Variants in SCP2 observed in about 807,000 individuals in gnomAD.
The protein encoded by SCP2 is SCP-2/3-oxoacyl-CoA thiolase.
Under a neutral mutation model 71.4 loss-of-function variants are expected in SCP2, and 48 were observed. That is an observed-to-expected ratio of 0.67 (90% confidence interval 0.53 to 0.86). SCP2 has a LOEUF of 0.86. SCP2 is among the 40% of genes least tolerant of loss of function. SCP2 has a pLI of 0.00. For missense variants in SCP2, 560 were observed against 655.6 expected (o/e 0.85, Z 1.59); for synonymous variants, 220 against 218.1 (o/e 1.01, Z -0.08).
chr1:53,032,994 G>A (rs1243673603), intron 13 of SCP2, among the ~76,000 whole-genome samples: 1 of 152,118 alleles, frequency 6.6e-6, no homozygotes, highest in East Asian at 1.9e-4. Flanking sequence ...AATAATTTAA[G>A]TGAGCTCTTT....
At chr1:53,028,597 T>C (rs1394914182) in intron 13 of SCP2, among the ~76,000 whole-genome samples, 1 of 152,164 alleles carries the variant, frequency 6.6e-6, no homozygotes, top group Non-Finnish European at 1.5e-5. Context: ...TGTTTATGAA[T>C]AGTATAAATT....
At chr1:53,035,872 T>C (rs1325552474) in intron 13 of SCP2, among the ~76,000 whole-genome samples, 2 of 151,936 alleles carry the variant, frequency 1.3e-5, no homozygotes, top group African/African-American at 4.8e-5. Flanking sequence ...TGCAAAAAAT[T>C]AGCCGGGCGT....
At position 53,033,946 on chromosome 1, in the gene SCP2, A is replaced by G. The variant is rs4545284; in HGVS notation, c.1339-4971A>G. ...AAACAAAACATGTTACATCCATACA[A>G]TGGAATATTATTTAGCTGTAGAAAG... On this transcript the variant is annotated intron_variant, in intron 13 of 15. Coordinates refer to ENST00000371514, the MANE Select transcript of SCP2 (RefSeq NM_002979.5). Among the ~76,000 whole-genome samples, 627 of 152,272 alleles carry G rather than the reference A, an allele frequency of 4.1e-3. 5 individuals carry two copies. The highest frequency in any genetic ancestry group is 0.014 in the African/African-American group (602 of 41,554).
At chr1:52,954,011 C>T (rs1175096218) in intron 4 of SCP2, among the ~76,000 whole-genome samples, 1 of 150,856 alleles carries the variant, frequency 6.6e-6, no homozygotes, top group Non-Finnish European at 1.5e-5. Context: ...ACAACCAAAA[C>T]CCAGCAAAAC....
At chr1:52,949,960 T>G (rs1277812639) in intron 3 of SCP2, among the ~76,000 whole-genome samples, 3 of 152,188 alleles carry the variant, frequency 2.0e-5, no homozygotes, top group Non-Finnish European at 4.4e-5. Flanking sequence ...CTTTTTACAC[T>G]TGGGAAAGGA....
At chr1:52,948,816 GC>G (rs1216154515) in intron 3 of SCP2, among the ~76,000 whole-genome samples, 1 of 151,972 alleles carries the variant, frequency 6.6e-6, no homozygotes, top group African/African-American at 2.4e-5. Flanking sequence ...TATAATAATT[GC>G]CACAATCCAG....
intron 2 of SCP2, 31 bp from the exon 3 acceptor site, chr1:52,947,978 A>G (rs1350853275): frequency 6.6e-7 from 1 of 1,505,758 alleles, no homozygotes; most frequent in Non-Finnish European, 9.2e-7. Context: ...TACTTAAAGC[A>G]CTTTTTGATA....
chr1:53,001,744 C>T (rs1473777754), intron 11 of SCP2, among the ~76,000 whole-genome samples: 2 of 152,168 alleles, frequency 1.3e-5, no homozygotes, highest in Non-Finnish European at 2.9e-5. Flanking sequence ...TGCTATCCAC[C>T]TTATGAAGCT....
intron 12 of SCP2, among the ~76,000 whole-genome samples, chr1:53,025,374 C>T (rs1240471946): frequency 1.3e-5 from 2 of 152,208 alleles, no homozygotes; most frequent in Non-Finnish European, 2.9e-5. Flanking sequence ...TAAATGCTTT[C>T]ACTATGCTGA....
intron 11 of SCP2, among the ~76,000 whole-genome samples, chr1:53,001,621 G>A (rs955454129): frequency 6.6e-6 from 1 of 152,158 alleles, no homozygotes; most frequent in Non-Finnish European, 1.5e-5. Flanking sequence ...GAGTGGCAAA[G>A]CTAAGATTCA....
intron 11 of SCP2, chr1:52,995,490 C>A (rs1011973440): frequency 2.3e-6 from 1 of 437,590 alleles, no homozygotes; most frequent in Non-Finnish European, 4.6e-6. Flanking sequence ...AACTGGTGCC[C>A]TTACCACATC....
At chr1:53,037,337 G>A (rs1321715777) in intron 13 of SCP2, among the ~76,000 whole-genome samples, 2 of 152,016 alleles carry the variant, frequency 1.3e-5, no homozygotes, top group Admixed American at 1.3e-4. Context: ...CCTGCCAGCT[G>A]GCTTAGCTGC....
At chr1:52,982,968 C>T (rs989299011) in intron 10 of SCP2, among the ~76,000 whole-genome samples, 1 of 152,166 alleles carries the variant, frequency 6.6e-6, no homozygotes, top group African/African-American at 2.4e-5. Context: ...CCAAGTTTTT[C>T]TCTGTAATCA....
intron 13 of SCP2, among the ~76,000 whole-genome samples, chr1:53,032,285 C>G (rs1662605697): frequency 6.6e-6 from 1 of 152,180 alleles, no homozygotes; most frequent in South Asian, 2.1e-4. Flanking sequence ...GGTTGTACTA[C>G]CCACTAGCCA....
intron 11 of SCP2, among the ~76,000 whole-genome samples, chr1:52,998,244 A>T (rs1660065768): frequency 6.6e-6 from 1 of 152,114 alleles, no homozygotes; most frequent in South Asian, 2.1e-4. Flanking sequence ...ATTTTTATTT[A>T]TCTTGGGTTG....
rs536272683 is a variant in SCP2 at position 52,935,227 on chromosome 1, T to C, written c.70-6569T>C. ...GTTGCAGGGAGCCGAGATCGCCCCA[T>C]TGCACTCCAGCTTGGGCAACAAGAG... On this transcript the variant is annotated intron_variant, in intron 1 of 15. Transcript: ENST00000371514. Among the ~76,000 whole-genome samples, 18 of 146,736 alleles carry C rather than the reference T, an allele frequency of 1.2e-4. No individual in the cohort carries two copies. The South Asian group carries it at 3.9e-3, about 32-fold the overall frequency.
chr1:53,044,588 A>G (rs1271675153), intron 14 of SCP2, among the ~76,000 whole-genome samples: 3 of 152,262 alleles, frequency 2.0e-5, no homozygotes, highest in East Asian at 1.9e-4. Flanking sequence ...CAGAAAACAC[A>G]TACACATATA....
chr1:52,996,003 G>T, intron 11 of SCP2: 1 of 1,412,218 alleles, frequency 7.1e-7, no homozygotes, highest in Non-Finnish European at 9.3e-7. Context: ...GGATTTTGGT[G>T]AGGAGGCTGA....
chr1:52,981,485 G>T lies in SCP2; in HGVS notation c.973+942G>T, dbSNP rs187668901. 5.5e-4 allele frequency among the ~76,000 whole-genome samples: 83 copies of T among 150,588 alleles called. No homozygotes were observed. In the Middle Eastern group the frequency reaches 0.021, roughly 37 times the overall value. The stretch of plus-strand genomic sequence containing the variant: ...AGAGTCTCGCTTTGTCACCCAGGCT[G>T]GAGTGCAATGGTGTGATCTCGGCTC... On this transcript the variant is annotated intron_variant, in intron 10 of 15. Transcript: ENST00000371514.
Sources: gnomAD v4.1 joint callset for allele counts (sites outside exome capture counted in the v4.1 genomes callset) on GRCh38, gnomAD v4.1.1 for gene constraint, MANE v1.5 for transcripts, NCBI Gene and HGNC (gene_info 2026-07-23, HGNC 2026-07-21) for gene names.